Variants in ANK3 observed in about 807,000 individuals in gnomAD.
ANK3 encodes ankyrin-3.
In ANK3, 57 loss-of-function variants were observed where a neutral mutation model predicts 370.9. The observed-to-expected ratio is 0.15, with a 90% CI of 0.12 to 0.19. The LOEUF (loss-of-function observed/expected upper bound fraction) is 0.19, where lower values mean the gene tolerates loss of function less well. Among genes scored for constraint, ANK3 ranks in the 10% least tolerant of loss-of-function variants. The probability of loss-of-function intolerance (pLI) is 1.00; values close to 1 mark genes in which losing one functional copy is unlikely to be tolerated. For missense variants in ANK3, 4,439 were observed against 5,302.1 expected (o/e 0.84, Z 5.06); for synonymous variants, 1,929 against 1,946.3 (o/e 0.99, Z 0.23).
chr10:60,068,130 G>A (rs1311332464), intron 37 of ANK3, 121 bp from the exon 38 acceptor site: 1 of 811,360 alleles, frequency 1.2e-6, no homozygotes, highest in Non-Finnish European at 2.0e-6. Flanking sequence ...ACTGAAATGT[G>A]TCCTAGTCAC....
In ANK3 at chr10:60,369,222, T is replaced by C. The variant is rs972660087; in HGVS notation, c.114+20203A>G. Among the ~76,000 whole-genome samples, 10 of 152,334 alleles carry C rather than the reference T, an allele frequency of 6.6e-5. No homozygotes were observed. In the South Asian group the frequency reaches 2.1e-3, roughly 32 times the overall value. On this transcript the variant is annotated intron_variant, in intron 1 of 43. Coordinates refer to ENST00000280772, the MANE Select transcript of ANK3 (RefSeq NM_020987.5). ...TAAAATGAACATCTTTGGCTGCACA[T>C]TTACACGAAAGCTGAAGGATTCCTT...
chr10:60,369,739 C>G (rs185539287), intron 1 of ANK3, among the ~76,000 whole-genome samples: 1 of 152,242 alleles, frequency 6.6e-6, no homozygotes, highest in African/African-American at 2.4e-5. Flanking sequence ...GTGAACTGTT[C>G]TCTCTCATGT....
chr10:60,234,040 T>A (rs2097291286), intron 8 of ANK3, among the ~76,000 whole-genome samples: 1 of 152,236 alleles, frequency 6.6e-6, no homozygotes, highest in Non-Finnish European at 1.5e-5. Flanking sequence ...CAGCATAATG[T>A]CCTCAAGGTT....
Position 60,071,644 on chromosome 10 carries a change from T to C in ANK3, c.9237A>G (p.Pro3079=), listed in dbSNP as rs142028674. 7.9e-5 allele frequency: 127 copies of C among 1,609,778 alleles called. No homozygotes were observed. The African/African-American group carries it at 1.4e-3, about 18-fold the overall frequency. ...SPIDGLEKLA[P]LAQTEGGKEI... ...CTTTCCCTCCCTCTGTCTGGGCTAG[T>C]GGTGCGAGTTTTTCCAATCCATCAA... The change falls in exon 37 of 44, where the codon CCA becomes CCG. Residue 3079 remains proline (P), a synonymous_variant. Coordinates refer to ENST00000280772, the MANE Select transcript of ANK3 (RefSeq NM_020987.5).
intron 2 of ANK3, among the ~76,000 whole-genome samples, chr10:60,564,479 C>A (rs902240216): frequency 6.6e-6 from 1 of 152,126 alleles, no homozygotes. Flanking sequence ...ATGAAACTGC[C>A]GTGTGCTCAA....
At chr10:60,451,371 C>A (rs1304742771) in intron 2 of ANK3, among the ~76,000 whole-genome samples, 1 of 152,136 alleles carries the variant, frequency 6.6e-6, no homozygotes, top group East Asian at 1.9e-4. Context: ...GAAATTGAGG[C>A]TTTAGAGAGG....
At chr10:60,731,170 A>C (rs560417035) in intron 1 of ANK3, among the ~76,000 whole-genome samples, 1 of 152,370 alleles carries the variant, frequency 6.6e-6, no homozygotes, top group South Asian at 2.1e-4. Flanking sequence ...TCAGTTATCA[A>C]CATATTATTC....
intron 7 of ANK3, among the ~76,000 whole-genome samples, chr10:60,235,486 TATG>T (rs1208189210): frequency 4.6e-5 from 7 of 151,926 alleles, no homozygotes; most frequent in Non-Finnish European, 2.9e-5. Context: ...TTACAGGCGC[TATG>T]ATTATTTCCA....
rs145830130 is a variant in ANK3, at chr10:60,138,044, A to T, written c.2738+920T>A. 8.3e-4 allele frequency among the ~76,000 whole-genome samples: 127 copies of T among 152,226 alleles called. 2 individuals are homozygous for T. In the East Asian group the frequency reaches 0.018, roughly 22 times the overall value. ...GGCAAAAGTTCTACCAAGCTATATG[A>T]GTTTCAAATTCCTACTAAAAAAAAG... On this transcript the variant is annotated intron_variant, in intron 24 of 43. Transcript: ENST00000280772.
intron 23 of ANK3, chr10:60,140,751 G>A: frequency 1.8e-6 from 2 of 1,091,930 alleles, no homozygotes; most frequent in Non-Finnish European, 2.2e-6. Context: ...AAGCCCCTGA[G>A]TTATTTGTAT....
intron 2 of ANK3, among the ~76,000 whole-genome samples, chr10:60,543,829 G>C (rs1034933909): frequency 3.9e-5 from 6 of 151,934 alleles, no homozygotes; most frequent in African/African-American, 1.4e-4. Flanking sequence ...AAGTTTACCT[G>C]AAATCCCAGC....
chr10:60,365,577 TAA>T (rs957566735), intron 1 of ANK3, among the ~76,000 whole-genome samples: 15 of 152,248 alleles, frequency 9.9e-5, no homozygotes, highest in Non-Finnish European at 1.0e-4. Context: ...TGAGAAACTT[TAA>T]AAGTCTCAAC....
chr10:60,194,789 G>A (rs555890422), intron 16 of ANK3, among the ~76,000 whole-genome samples: 1 of 152,154 alleles, frequency 6.6e-6, no homozygotes, highest in Non-Finnish European at 1.5e-5. Context: ...AAACTGTGGA[G>A]GGGAAAGCTA....
At chr10:60,638,552 T>C (rs1455438514) in intron 1 of ANK3, among the ~76,000 whole-genome samples, 1 of 151,366 alleles carries the variant, frequency 6.6e-6, no homozygotes, top group African/African-American at 2.4e-5. Context: ...AAAAAATCCA[T>C]CAAAACAGAA....
intron 2 of ANK3, among the ~76,000 whole-genome samples, chr10:60,471,786 A>T (rs1365899433): frequency 6.6e-6 from 1 of 152,114 alleles, no homozygotes; most frequent in Non-Finnish European, 1.5e-5. Flanking sequence ...ATTCTATACT[A>T]AAATGCTAAA....
chr10:60,501,025 A>G (rs2075782507), intron 2 of ANK3, among the ~76,000 whole-genome samples: 1 of 152,212 alleles, frequency 6.6e-6, no homozygotes, highest in Non-Finnish European at 1.5e-5. Flanking sequence ...TTAATCAACC[A>G]TGTCATCAAA....
chr10:60,672,240 A>G (rs569434372), intron 1 of ANK3, among the ~76,000 whole-genome samples: 3 of 152,248 alleles, frequency 2.0e-5, no homozygotes, highest in African/African-American at 7.2e-5. Flanking sequence ...TTTGACCCCA[A>G]TTGCTGACAC....
At chr10:60,140,206 T>A in intron 23 of ANK3, 1 of 857,542 alleles carries the variant, frequency 1.2e-6, no homozygotes, top group Non-Finnish European at 1.9e-6. Context: ...TTTTTGCAAA[T>A]GTAAAAACTA....
Position 60,246,286 on chromosome 10 carries a change from A to G in ANK3, c.799-11500T>C, listed in dbSNP as rs199913371. Among the ~76,000 whole-genome samples the G allele has an allele frequency of 2.0e-3, 244 of 123,522 alleles. 1 individual carries two copies. The highest frequency in any genetic ancestry group is 7.4e-3 in the East Asian group (21 of 2,856). 81.0% of individuals were successfully genotyped at this position (123,522 alleles called of 152,430 possible). ...AAAAAAAAAAAAAAAAAAAAAGAAA[A>G]AAGAAAAAAAGATGATCACCATTGT... On this transcript the variant is annotated intron_variant, in intron 7 of 43. Coordinates refer to ENST00000280772, the MANE Select transcript of ANK3 (RefSeq NM_020987.5).
Sources: allele counts gnomAD v4.1 joint callset (sites outside exome capture counted in the v4.1 genomes callset), GRCh38; gene constraint gnomAD v4.1.1; transcripts MANE v1.5; gene names NCBI Gene and HGNC (gene_info 2026-07-23, HGNC 2026-07-21).